VPS13B: variants seen among roughly 807,000 people sequenced by gnomAD.
VPS13B encodes intermembrane lipid transfer protein VPS13B.
A neutral mutation model predicts 426.4 loss-of-function variants in VPS13B; 285 were observed. That is an observed-to-expected ratio of 0.67 (90% CI 0.61 to 0.74). The LOEUF is 0.74. VPS13B is among the 30% of genes least tolerant of loss of function. VPS13B has a pLI of 0.00. For synonymous variants in VPS13B, 1,676 were observed against 1,676.4 expected, an observed-to-expected ratio of 1.00 and a Z score of 0.01; for missense variants, 4,537 against 4,782.6, an observed-to-expected ratio of 0.95 and a Z score of 1.51.
Position 99,649,179 on chromosome 8 carries a change from T to C in VPS13B, c.5908+6681T>C, listed in dbSNP as rs1829707122. Among the ~76,000 whole-genome samples the C allele has an allele frequency of 3.3e-5, 5 of 152,256 alleles. No individual in the cohort carries two copies. In the South Asian group the frequency reaches 1.0e-3, roughly 32 times the overall value. On this transcript the variant is annotated intron_variant, in intron 34 of 61. Coordinates refer to ENST00000357162, the MANE Select transcript of VPS13B (RefSeq NM_152564.5). ...TCTTTAGTTTTCTGTAGGTTGATTA[T>C]TGTGTGTCTGGACTTGGTTTCTTTG...
At chr8:99,099,022 C>A (rs1301280169) in intron 4 of VPS13B, among the ~76,000 whole-genome samples, 4 of 151,814 alleles carry the variant, frequency 2.6e-5, no homozygotes, top group Non-Finnish European at 5.9e-5. Flanking sequence ...CTCTTTTTTC[C>A]CTTTATTTCA....
intron 33 of VPS13B, among the ~76,000 whole-genome samples, chr8:99,610,446 A>T (rs1349459569): frequency 6.6e-6 from 1 of 152,206 alleles, no homozygotes; most frequent in East Asian, 1.9e-4. Context: ...GGGGACATGG[A>T]TGAAGCTGGA....
intron 29 of VPS13B, among the ~76,000 whole-genome samples, chr8:99,515,374 G>T (rs1195833917): frequency 6.6e-6 from 1 of 151,722 alleles, no homozygotes; most frequent in Non-Finnish European, 1.5e-5. Context: ...TGCTGCTGCT[G>T]CTGCTGCTGC....
In VPS13B at chr8:99,677,667, T is replaced by C. The variant is rs564693451; in HGVS notation, c.6046+16176T>C. 1.8e-4 allele frequency among the ~76,000 whole-genome samples: 28 copies of C among 152,308 alleles called. 1 individual carries two copies. The highest frequency in any genetic ancestry group is 6.7e-4 in the African/African-American group (28 of 41,590). Reference sequence around the variant, plus strand: ...CTCAAAGAGTCATAGAGGCTGGTTGTGCAGTTGGCAGGGAGGTAGGGGGCC... The same window carrying C: ...CTCAAAGAGTCATAGAGGCTGGTTGCGCAGTTGGCAGGGAGGTAGGGGGCC... On this transcript the variant is annotated intron_variant, in intron 35 of 61. Coordinates refer to ENST00000357162, the MANE Select transcript of VPS13B (RefSeq NM_152564.5).
intron 19 of VPS13B, among the ~76,000 whole-genome samples, chr8:99,286,029 T>A (rs1819421570): frequency 6.6e-6 from 1 of 152,090 alleles, no homozygotes; most frequent in African/African-American, 2.4e-5. Flanking sequence ...CCCATCCCTT[T>A]CCTCTCCCCT....
chr8:99,218,544 G>C (rs1243517987), intron 17 of VPS13B, among the ~76,000 whole-genome samples: 2 of 152,202 alleles, frequency 1.3e-5, no homozygotes, highest in African/African-American at 4.8e-5. Context: ...CTCTGGATTA[G>C]ATAGCGAACA....
intron 12 of VPS13B, 74 bp downstream of exon 12, chr8:99,136,826 C>A: frequency 7.0e-7 from 1 of 1,423,886 alleles, no homozygotes; most frequent in South Asian, 1.1e-5. Flanking sequence ...ATCAATTGGT[C>A]CTTGACTGGT....
intron 17 of VPS13B, among the ~76,000 whole-genome samples, chr8:99,264,120 T>C (rs1395787610): frequency 6.6e-6 from 1 of 152,120 alleles, no homozygotes; most frequent in African/African-American, 2.4e-5. Context: ...TATGTACTTA[T>C]TTTTAATTAA....
At chr8:99,501,063 C>T (rs1821206659) in intron 25 of VPS13B, among the ~76,000 whole-genome samples, 1 of 152,124 alleles carries the variant, frequency 6.6e-6, no homozygotes, top group South Asian at 2.1e-4. Flanking sequence ...TTAAAAAAAT[C>T]TATTGTCAAA....
intron 17 of VPS13B, among the ~76,000 whole-genome samples, chr8:99,237,626 G>A (rs2132875889): frequency 6.6e-6 from 1 of 152,082 alleles, no homozygotes; most frequent in Admixed American, 6.5e-5. Flanking sequence ...TATACCACAG[G>A]GATATAGAAT....
intron 3 of VPS13B, among the ~76,000 whole-genome samples, chr8:99,054,635 T>C (rs1421442502): frequency 6.6e-6 from 1 of 152,244 alleles, no homozygotes; most frequent in Non-Finnish European, 1.5e-5. Context: ...TTCATTGCTT[T>C]ATCTAAGGTC....
intron 19 of VPS13B, among the ~76,000 whole-genome samples, chr8:99,301,031 A>G (rs778314980): frequency 2.0e-5 from 3 of 151,828 alleles, no homozygotes; most frequent in Non-Finnish European, 4.4e-5. Flanking sequence ...CTTGGGCAAC[A>G]TGGTGAAACC....
rs146369913 is a variant in VPS13B at position 99,797,728 on chromosome 8, G to A, written c.7942-11647G>A. Among the ~76,000 whole-genome samples, 346 of 152,088 alleles carry A rather than the reference G, an allele frequency of 2.3e-3. 2 individuals carry two copies. Among genetic ancestry groups the A allele is most frequent in the African/African-American group, 7.8e-3 (324 of 41,480 alleles). ...GAGATTAGCAATATACTTCAAATTG[G>A]CCACAACTTTCATGTATGTCTAACT... On this transcript the variant is annotated intron_variant, in intron 43 of 61. Transcript: ENST00000357162.
At chr8:99,291,699 C>T (rs1319462162) in intron 19 of VPS13B, among the ~76,000 whole-genome samples, 2 of 151,950 alleles carry the variant, frequency 1.3e-5, no homozygotes, top group Non-Finnish European at 2.9e-5. Flanking sequence ...GAAGGGAGGA[C>T]TGAATGATAT....
chr8:99,498,205 A>T (rs1588439857), intron 25 of VPS13B, among the ~76,000 whole-genome samples: 1 of 152,148 alleles, frequency 6.6e-6, no homozygotes, highest in African/African-American at 2.4e-5. Flanking sequence ...TGTATTAATT[A>T]TGTATCTGGG....
At chr8:99,073,184 G>T (rs1465257694) in intron 3 of VPS13B, among the ~76,000 whole-genome samples, 1 of 151,996 alleles carries the variant, frequency 6.6e-6, no homozygotes, top group East Asian at 1.9e-4. Context: ...CACAGCACTG[G>T]GTCTCACCCA....
intron 31 of VPS13B, among the ~76,000 whole-genome samples, chr8:99,573,981 A>G (rs1825626764): frequency 6.6e-6 from 1 of 152,118 alleles, no homozygotes; most frequent in Admixed American, 6.5e-5. Context: ...TTCGTTGAGC[A>G]GTGGTTTGTA....
intron 23 of VPS13B, among the ~76,000 whole-genome samples, chr8:99,466,945 C>T (rs1369623500): frequency 2.6e-5 from 4 of 152,152 alleles, no homozygotes; most frequent in Non-Finnish European, 5.9e-5. Flanking sequence ...TGTTCCTCTA[C>T]ATTCTATCAG....
At chr8:99,114,622 G>T (rs570068256) in intron 6 of VPS13B, among the ~76,000 whole-genome samples, 1 of 152,044 alleles carries the variant, frequency 6.6e-6, no homozygotes, top group Non-Finnish European at 1.5e-5. Flanking sequence ...CTCATTCCCC[G>T]CTTTCTTACC....
Sources: gnomAD v4.1 joint callset for allele counts (sites outside exome capture counted in the v4.1 genomes callset) on GRCh38, gnomAD v4.1.1 for gene constraint, MANE v1.5 for transcripts, NCBI Gene and HGNC (gene_info 2026-07-23, HGNC 2026-07-21) for gene names.